TRMT11: variants seen among roughly 807,000 people sequenced by gnomAD.
TRMT11 encodes tRNA methyltransferase 11.
In TRMT11, 53 loss-of-function variants were observed where a neutral mutation model predicts 62.8. The ratio of observed to expected loss-of-function variants is 0.84; its 90% CI spans 0.68 to 1.06. TRMT11 has a LOEUF of 1.06. TRMT11 is among the 50% of genes least tolerant of loss of function. The pLI is 0.00. For missense variants in TRMT11, 556 were observed against 553.4 expected, an observed-to-expected ratio of 1.00 and a Z score of -0.05; for synonymous variants, 188 against 190.3, an observed-to-expected ratio of 0.99 and a Z score of 0.10.
the TRMT11 span, among the ~76,000 whole-genome samples, chr6:126,218,543 C>T: frequency 3.3e-5 from 5 of 152,224 alleles, no homozygotes; most frequent in Non-Finnish European, 5.9e-5. Context: ...GGAATGGGGC[C>T]TCAGGATTCT....
chr6:126,073,207 T>C (rs1047040352), intron 17 of TRMT11, among the ~76,000 whole-genome samples: 5 of 152,144 alleles, frequency 3.3e-5, no homozygotes, highest in Admixed American at 6.5e-5. Context: ...CTTTATATTA[T>C]AGCAGATACA....
chr6:126,234,928 T>C, the TRMT11 span, among the ~76,000 whole-genome samples: 3 of 152,204 alleles, frequency 2.0e-5, no homozygotes, highest in Admixed American at 6.5e-5. Context: ...CCCTTCCAAA[T>C]AGGCAAGGAT....
At chr6:126,052,401 A>T (rs1367814762) in intron 16 of TRMT11, among the ~76,000 whole-genome samples, 1 of 152,126 alleles carries the variant, frequency 6.6e-6, no homozygotes, top group Non-Finnish European at 1.5e-5. Flanking sequence ...CCTCTCTCTT[A>T]TTAAGTAACT....
chr6:126,257,892 G>A, the TRMT11 span: 5 of 1,429,358 alleles, frequency 3.5e-6, no homozygotes, highest in Non-Finnish European at 4.9e-6. Flanking sequence ...TGATTGTCCT[G>A]AGCCACCATT....
chr6:126,252,347 C>T, the TRMT11 span, among the ~76,000 whole-genome samples: 1 of 152,194 alleles, frequency 6.6e-6, no homozygotes, highest in African/African-American at 2.4e-5. Context: ...CATACGGCTT[C>T]TCCAGTATGG....
At chr6:126,217,399 A>C in the TRMT11 span, among the ~76,000 whole-genome samples, 1 of 152,128 alleles carries the variant, frequency 6.6e-6, no homozygotes, top group African/African-American at 2.4e-5. Context: ...AGGTATTTGA[A>C]GCGACTTGGG....
intron 17 of TRMT11, among the ~76,000 whole-genome samples, chr6:126,060,971 C>T (rs1362674285): frequency 6.6e-6 from 1 of 152,226 alleles, no homozygotes; most frequent in Non-Finnish European, 1.5e-5. Context: ...TTTCAACTTC[C>T]TTCCCCATCA....
At chr6:126,111,350 T>C (rs898357234) in intron 17 of TRMT11, among the ~76,000 whole-genome samples, 1 of 152,076 alleles carries the variant, frequency 6.6e-6, no homozygotes. Flanking sequence ...AATGAAGAGA[T>C]AGTTTCTCAG....
intron 12 of TRMT11, among the ~76,000 whole-genome samples, chr6:126,033,452 C>T (rs915542101): frequency 1.3e-5 from 2 of 152,060 alleles, no homozygotes; most frequent in Admixed American, 1.3e-4. Context: ...TAGTTGTAAA[C>T]ATAGATTGAC....
intron 21 of TRMT11, among the ~76,000 whole-genome samples, chr6:126,165,825 G>C (rs1206587149): frequency 6.6e-6 from 1 of 152,106 alleles, no homozygotes; most frequent in Non-Finnish European, 1.5e-5. Context: ...TTGTATATTG[G>C]CCTGTCTTGC....
chr6:126,173,392 A>G (rs1444075470), upstream of TRMT11, among the ~76,000 whole-genome samples: 2 of 152,158 alleles, frequency 1.3e-5, no homozygotes, highest in Non-Finnish European at 2.9e-5. Flanking sequence ...TCACCCTCAC[A>G]TAGCTTTCTG....
the TRMT11 span, among the ~76,000 whole-genome samples, chr6:126,233,823 T>C: frequency 7.2e-5 from 11 of 152,286 alleles, no homozygotes; most frequent in Middle Eastern, 3.4e-3. Flanking sequence ...AAATTTCTAA[T>C]ACTTTCTTGT....
the TRMT11 span, among the ~76,000 whole-genome samples, chr6:126,210,147 AG>A: frequency 6.6e-6 from 1 of 152,222 alleles, no homozygotes; most frequent in African/African-American, 2.4e-5. Context: ...GTTAATCAAA[AG>A]GGAGATCATG....
At chr6:126,158,894 G>A (rs1778155703) in intron 21 of TRMT11, among the ~76,000 whole-genome samples, 1 of 152,094 alleles carries the variant, frequency 6.6e-6, no homozygotes, top group Admixed American at 6.5e-5. Flanking sequence ...CTACCACGTG[G>A]CATCTTTCTG....
intron 11 of TRMT11, among the ~76,000 whole-genome samples, chr6:126,016,205 G>C (rs1472102143): frequency 6.6e-6 from 1 of 152,078 alleles, no homozygotes; most frequent in Non-Finnish European, 1.5e-5. Flanking sequence ...TTGGTATTCT[G>C]TAAGAAAGAG....
chr6:126,111,125 A>G (rs1777526640), intron 17 of TRMT11, among the ~76,000 whole-genome samples: 1 of 152,070 alleles, frequency 6.6e-6, no homozygotes, highest in Admixed American at 6.6e-5. Flanking sequence ...TAACACTTTA[A>G]TCCTCTTCTG....
At chr6:126,090,435 T>G (rs1354684405) in intron 17 of TRMT11, among the ~76,000 whole-genome samples, 1 of 152,210 alleles carries the variant, frequency 6.6e-6, no homozygotes, top group Admixed American at 6.5e-5. Context: ...TTCTACTACA[T>G]TTGAAAACCT....
intron 17 of TRMT11, among the ~76,000 whole-genome samples, chr6:126,095,184 A>G (rs776244992): frequency 2.0e-5 from 3 of 152,232 alleles, no homozygotes; most frequent in Non-Finnish European, 4.4e-5. Context: ...GGAAATGGAT[A>G]CTAGTAATAA....
chr6:126,012,184 T>C (rs1794316871), intron 9 of TRMT11, among the ~76,000 whole-genome samples: 1 of 152,184 alleles, frequency 6.6e-6, no homozygotes, highest in Admixed American at 6.5e-5. Context: ...ATATACTTTA[T>C]GAAAATTTAG....
Sources: gnomAD v4.1 joint callset for allele counts (sites outside exome capture counted in the v4.1 genomes callset) on GRCh38, gnomAD v4.1.1 for gene constraint, MANE v1.5 for transcripts, NCBI Gene and HGNC (gene_info 2026-07-23, HGNC 2026-07-21) for gene names.